The following UBE2K variants were observed in gnomAD, a reference collection of about 807,000 sequenced individuals.
UBE2K encodes ubiquitin conjugating enzyme E2 K.
A neutral mutation model predicts 30.0 loss-of-function variants in UBE2K; 6 were observed. The ratio of observed to expected loss-of-function variants is 0.20; its 90% confidence interval spans 0.11 to 0.39. UBE2K has a LOEUF of 0.39. Among genes scored for constraint, UBE2K ranks in the 10% least tolerant of loss-of-function variants. UBE2K has a pLI of 1.00. For synonymous variants in UBE2K, 86 were observed against 83.7 expected, an observed-to-expected ratio of 1.03 and a Z score of -0.15; for missense variants, 61 against 241.6, an observed-to-expected ratio of 0.25 and a Z score of 4.96.
chr4:39,772,152 C>T (rs181281337), intron 4 of UBE2K, among the ~76,000 whole-genome samples: 2 of 152,056 alleles, frequency 1.3e-5, no homozygotes, highest in Non-Finnish European at 2.9e-5. Context: ...TAACTTTTAT[C>T]GTAGGCATCT....
intron 1 of UBE2K, among the ~76,000 whole-genome samples, chr4:39,712,792 C>G (rs1298436093): frequency 6.6e-6 from 1 of 151,338 alleles, no homozygotes; most frequent in Non-Finnish European, 1.5e-5. Context: ...TTTTACTTCC[C>G]TAGTCAGTAG....
chr4:39,757,011 GTTTTTTGTTT>G (rs1721560971), intron 4 of UBE2K, among the ~76,000 whole-genome samples: 51 of 76,766 alleles, frequency 6.6e-4, no homozygotes, highest in East Asian at 3.5e-3. Flanking sequence ...TTTTTTTTTT[GTTTTTTGTTT>G]TTTGTTTTTT....
At chr4:39,763,663 A>AC (rs1348423088) in intron 4 of UBE2K, among the ~76,000 whole-genome samples, 10 of 152,350 alleles carry the variant, frequency 6.6e-5, no homozygotes, top group African/African-American at 9.6e-5. Context: ...CCCAGGCTCC[A>AC]CCGCCAACAC....
chr4:39,726,510 C>G (rs971112751), intron 1 of UBE2K, among the ~76,000 whole-genome samples: 1 of 145,080 alleles, frequency 6.9e-6, no homozygotes, highest in Non-Finnish European at 1.5e-5. Context: ...TGTGAGCCAC[C>G]ACTCCTCCTG....
intron 1 of UBE2K, among the ~76,000 whole-genome samples, chr4:39,722,864 C>T (rs1459809608): frequency 1.3e-5 from 2 of 149,376 alleles, no homozygotes; most frequent in African/African-American, 2.5e-5. Flanking sequence ...GGCATGATCT[C>T]GGCTCACTGC....
intron 1 of UBE2K, among the ~76,000 whole-genome samples, chr4:39,711,383 C>T (rs1718667973): frequency 1.3e-5 from 2 of 151,420 alleles, no homozygotes; most frequent in South Asian, 2.1e-4. Flanking sequence ...TGGATGGTCT[C>T]GATCTCCTGA....
chr4:39,735,207 TTTTA>T (rs1006677907), intron 1 of UBE2K, among the ~76,000 whole-genome samples: 11 of 152,162 alleles, frequency 7.2e-5, no homozygotes, highest in Non-Finnish European at 1.2e-4. Context: ...AATTTTTTAT[TTTTA>T]TTTATTTATT....
intron 3 of UBE2K, among the ~76,000 whole-genome samples, chr4:39,754,556 G>GC (rs1157984690): frequency 3.9e-5 from 6 of 152,248 alleles, no homozygotes; most frequent in African/African-American, 9.6e-5. Context: ...TGTTGCCCAG[G>GC]CTGTAGTACA....
intron 1 of UBE2K, among the ~76,000 whole-genome samples, chr4:39,721,414 C>G (rs949608476): frequency 6.6e-6 from 1 of 152,182 alleles, no homozygotes; most frequent in African/African-American, 2.4e-5. Flanking sequence ...AGTGCAGTGG[C>G]TCAATCACAG....
At chr4:39,709,190 TA>T (rs1159730743) in intron 1 of UBE2K, among the ~76,000 whole-genome samples, 2 of 152,052 alleles carry the variant, frequency 1.3e-5, no homozygotes, top group East Asian at 3.8e-4. Context: ...AAACATTCAG[TA>T]AACGGATAGC....
At chr4:39,726,300 T>G (rs1253906136) in intron 1 of UBE2K, among the ~76,000 whole-genome samples, 2 of 151,594 alleles carry the variant, frequency 1.3e-5, no homozygotes, top group Admixed American at 6.6e-5. Context: ...CTGGCCTGTT[T>G]TTACTTTTTA....
intron 2 of UBE2K, among the ~76,000 whole-genome samples, chr4:39,740,889 T>A: frequency 6.6e-6 from 1 of 150,428 alleles, no homozygotes; most frequent in Admixed American, 6.6e-5. Context: ...AAAAGATATA[T>A]TCTTTATTGG....
chr4:39,708,382 C>G (rs746075095), intron 1 of UBE2K, among the ~76,000 whole-genome samples: 7 of 151,884 alleles, frequency 4.6e-5, no homozygotes, highest in Non-Finnish European at 8.8e-5. Context: ...TTCATGGTTA[C>G]CTTTTGGGGA....
intron 1 of UBE2K, among the ~76,000 whole-genome samples, chr4:39,707,662 CA>C (rs1291585498): frequency 6.6e-6 from 1 of 151,284 alleles, no homozygotes; most frequent in African/African-American, 2.4e-5. Flanking sequence ...GCTGGGACTA[CA>C]GGTGTGTGCC....
At chr4:39,710,786 G>T (rs2109311190) in intron 1 of UBE2K, among the ~76,000 whole-genome samples, 1 of 152,120 alleles carries the variant, frequency 6.6e-6, no homozygotes, top group East Asian at 1.9e-4. Flanking sequence ...CTACATTTTT[G>T]AAGATTTTTT....
chr4:39,763,989 C>A (rs1712145189), intron 4 of UBE2K, among the ~76,000 whole-genome samples: 1 of 152,206 alleles, frequency 6.6e-6, no homozygotes, highest in Non-Finnish European at 1.5e-5. Flanking sequence ...GCTTCAGCCT[C>A]CCAAAGTGCT....
intron 3 of UBE2K, among the ~76,000 whole-genome samples, chr4:39,754,903 A>G (rs924075220): frequency 5.3e-5 from 8 of 152,228 alleles, no homozygotes; most frequent in African/African-American, 1.9e-4. Context: ...AGAGATAGGA[A>G]TACAAGATCC....
At chr4:39,701,735 A>G (rs1718023992) in intron 1 of UBE2K, among the ~76,000 whole-genome samples, 1 of 151,582 alleles carries the variant, frequency 6.6e-6, no homozygotes, top group Non-Finnish European at 1.5e-5. Context: ...TAACTTTAAG[A>G]TGTACTTGAA....
At chr4:39,729,266 C>T (rs935409006) in intron 1 of UBE2K, among the ~76,000 whole-genome samples, 3 of 152,106 alleles carry the variant, frequency 2.0e-5, no homozygotes, top group Admixed American at 6.6e-5. Context: ...CCATGGCGCC[C>T]GGTCTTTCCT....
Sources: allele counts gnomAD v4.1 joint callset (sites outside exome capture counted in the v4.1 genomes callset), GRCh38; gene constraint gnomAD v4.1.1; transcripts MANE v1.5; gene names NCBI Gene and HGNC (gene_info 2026-07-23, HGNC 2026-07-21).